Variants in AUTS2 observed in about 807,000 individuals in gnomAD.
AUTS2 encodes activator of transcription and developmental regulator AUTS2, also known as autism susceptibility gene 2 protein.
AUTS2 carries 17 observed loss-of-function variants against 112.4 expected under a neutral mutation model. That is an observed-to-expected ratio of 0.15 (90% CI 0.10 to 0.23). AUTS2 has a LOEUF of 0.23. Ranked by LOEUF, AUTS2 falls within the 10% of genes least tolerant of loss-of-function variation. AUTS2 has a pLI of 1.00. For missense variants in AUTS2, 1,510 were observed against 1,701.6 expected (o/e 0.89, Z 1.98); for synonymous variants, 751 against 702.7 (o/e 1.07, Z -1.09).
chr7:70,049,945 A>G (rs1187768578), intron 2 of AUTS2, among the ~76,000 whole-genome samples: 1 of 152,208 alleles, frequency 6.6e-6, no homozygotes, highest in African/African-American at 2.4e-5. Context: ...AAATATATAT[A>G]TGAAGATACA....
intron 5 of AUTS2, among the ~76,000 whole-genome samples, chr7:70,599,979 C>G (rs1335083118): frequency 6.6e-6 from 1 of 152,176 alleles, no homozygotes; most frequent in Non-Finnish European, 1.5e-5. Context: ...TGGCTGCATA[C>G]CAACAGGACC....
intron 5 of AUTS2, among the ~76,000 whole-genome samples, chr7:70,444,373 T>TGTGTGTGTGTGTGTGTGTGTGA (rs372696006): frequency 7.0e-6 from 1 of 142,442 alleles, no homozygotes; most frequent in African/African-American, 2.7e-5. Context: ...TGTGTGTGTG[T>TGTGTGTGTGTGTGTGTGTGTGA]GAGAGAGAGA....
At chr7:70,298,186 C>T (rs892408492) in intron 4 of AUTS2, among the ~76,000 whole-genome samples, 2 of 151,996 alleles carry the variant, frequency 1.3e-5, no homozygotes, top group Non-Finnish European at 2.9e-5. Flanking sequence ...CGGCCACCAC[C>T]ACGCCCAGCT....
At chr7:70,600,467 G>A (rs906903439) in intron 5 of AUTS2, among the ~76,000 whole-genome samples, 2 of 152,096 alleles carry the variant, frequency 1.3e-5, no homozygotes, top group Non-Finnish European at 2.9e-5. Context: ...GTAGAGACGG[G>A]GTTTTGCCAT....
At chr7:70,730,299 G>A (rs1490626672) in intron 6 of AUTS2, among the ~76,000 whole-genome samples, 2 of 152,014 alleles carry the variant, frequency 1.3e-5, no homozygotes, top group East Asian at 3.9e-4. Context: ...CTTTTAAGGG[G>A]TACATTTCAT....
chr7:70,559,742 T>TCTGCTCATC (rs1361430926), intron 5 of AUTS2, among the ~76,000 whole-genome samples: 1 of 152,210 alleles, frequency 6.6e-6, no homozygotes, highest in Non-Finnish European at 1.5e-5. Flanking sequence ...GAGCAGCTCA[T>TCTGCTCATC]CTGAGCCCCA....
At chr7:69,703,712 T>A (rs1797927749) in intron 1 of AUTS2, among the ~76,000 whole-genome samples, 1 of 152,176 alleles carries the variant, frequency 6.6e-6, no homozygotes, top group Non-Finnish European at 1.5e-5. Context: ...AGAGGAACTA[T>A]AAACTTCAGT....
intron 1 of AUTS2, among the ~76,000 whole-genome samples, chr7:69,606,468 G>A (rs1792722224): frequency 6.6e-6 from 1 of 152,190 alleles, no homozygotes; most frequent in Admixed American, 6.5e-5. Context: ...AGGATGGTGG[G>A]TTAGTGGCTT....
intron 2 of AUTS2, among the ~76,000 whole-genome samples, chr7:70,047,032 C>CT (rs1801537649): frequency 6.6e-6 from 1 of 152,226 alleles, no homozygotes; most frequent in African/African-American, 2.4e-5. Flanking sequence ...CTGTACAGCA[C>CT]TGTAGGTATA....
intron 1 of AUTS2, among the ~76,000 whole-genome samples, chr7:69,631,464 A>G (rs1452542336): frequency 6.6e-6 from 1 of 152,230 alleles, no homozygotes; most frequent in Non-Finnish European, 1.5e-5. Context: ...TTATTTCGTG[A>G]ACTGCATCAC....
chr7:70,773,787 T>C (rs943832444), intron 11 of AUTS2, among the ~76,000 whole-genome samples: 7 of 152,246 alleles, frequency 4.6e-5, no homozygotes, highest in Admixed American at 4.6e-4. Context: ...TGCTTTTTAT[T>C]GCAGTGAAAT....
At chr7:70,377,519 A>G (rs1793167287) in intron 4 of AUTS2, among the ~76,000 whole-genome samples, 1 of 150,890 alleles carries the variant, frequency 6.6e-6, no homozygotes, top group Admixed American at 6.6e-5. Context: ...TTAAATGTAT[A>G]GTTTAATGGC....
At chr7:70,284,162 C>T (rs775030287) in intron 4 of AUTS2, among the ~76,000 whole-genome samples, 7 of 152,100 alleles carry the variant, frequency 4.6e-5, no homozygotes, top group Non-Finnish European at 5.9e-5. Flanking sequence ...TAAATTATGG[C>T]GATTTTTCCA....
chr7:70,407,086 A>G (rs1249142561), intron 4 of AUTS2, among the ~76,000 whole-genome samples: 1 of 152,218 alleles, frequency 6.6e-6, no homozygotes, highest in Non-Finnish European at 1.5e-5. Flanking sequence ...AAGCTCAGTT[A>G]TAACTCCCAT....
chr7:70,068,304 AG>A (rs1802590779), intron 2 of AUTS2, among the ~76,000 whole-genome samples: 1 of 151,120 alleles, frequency 6.6e-6, no homozygotes, highest in African/African-American at 2.4e-5. Flanking sequence ...CAGCCTCCTG[AG>A]TAGCTGAGAC....
intron 2 of AUTS2, among the ~76,000 whole-genome samples, chr7:70,006,188 G>A (rs372230043): frequency 3.3e-5 from 5 of 152,178 alleles, no homozygotes; most frequent in African/African-American, 1.2e-4. Flanking sequence ...CTACCAAATG[G>A]CAGAAACCAG....
rs544072674 is a variant in AUTS2, at chr7:70,290,625, G to T, written c.661-145127G>T. 20 of 1,419,136 alleles carry T rather than the reference G, an allele frequency of 1.4e-5. No individual in the cohort carries two copies. The South Asian group carries it at 3.2e-4, about 23-fold the overall frequency. 87.9% of individuals were successfully genotyped at this position (1,419,136 alleles called of 1,614,324 possible). A position where few individuals can be genotyped will look rare whatever the true frequency, so the allele number is the denominator to read the frequency against. On this transcript the variant is annotated intron_variant, in intron 4 of 18. Transcript: ENST00000342771. Reference sequence around the variant, plus strand: ...TTAAACACTTCCCTCCTTTTCATTTGCAGTGTGTTTTAGTTTAACCTTCAT... The same window carrying T: ...TTAAACACTTCCCTCCTTTTCATTTTCAGTGTGTTTTAGTTTAACCTTCAT...
At chr7:69,963,527 T>A (rs965670572) in intron 2 of AUTS2, among the ~76,000 whole-genome samples, 1 of 152,136 alleles carries the variant, frequency 6.6e-6, no homozygotes, top group East Asian at 1.9e-4. Context: ...TAAGAAGTGA[T>A]GTTTCTATAA....
chr7:70,043,552 CCTT>C (rs1801342042), intron 2 of AUTS2, among the ~76,000 whole-genome samples: 85 of 3,786 alleles, frequency 0.022, no homozygotes, highest in East Asian at 0.16. Context: ...TCCCTCCCTT[CCTT>C]CCTTCCTTCC....
Sources: allele counts gnomAD v4.1 joint callset (sites outside exome capture counted in the v4.1 genomes callset), GRCh38; gene constraint gnomAD v4.1.1; transcripts MANE v1.5; gene names NCBI Gene and HGNC (gene_info 2026-07-23, HGNC 2026-07-21).